DLC1: variants seen among roughly 807,000 people sequenced by gnomAD.
The protein encoded by DLC1 is DLC1 Rho GTPase activating protein, also known as rho GTPase-activating protein 7.
A neutral mutation model predicts 140.3 loss-of-function variants in DLC1; 54 were observed. That is an observed-to-expected ratio of 0.38 (90% CI 0.31 to 0.48). DLC1 has a LOEUF of 0.48. Among genes scored for constraint, DLC1 ranks in the 20% least tolerant of loss-of-function variants. DLC1 has a pLI of 0.96. For missense variants in DLC1, 2,536 were observed against 1,907.0 expected (o/e 1.33, Z -6.14); for synonymous variants, 986 against 728.1 (o/e 1.35, Z -5.70).
At chr8:13,593,929 A>C (rs908326099) in intron 1 of DLC1, among the ~76,000 whole-genome samples, 2 of 152,104 alleles carry the variant, frequency 1.3e-5, no homozygotes, top group African/African-American at 4.8e-5. Flanking sequence ...AAGAAAATGG[A>C]AAGAAACTGC....
chr8:13,410,073 T>C (rs1238571094), intron 2 of DLC1, among the ~76,000 whole-genome samples: 2 of 152,098 alleles, frequency 1.3e-5, no homozygotes, highest in African/African-American at 4.8e-5. Context: ...TAATCTCCTA[T>C]ATTAACAGAT....
chr8:13,384,898 G>C (rs1836446237), intron 4 of DLC1, among the ~76,000 whole-genome samples: 1 of 151,318 alleles, frequency 6.6e-6, no homozygotes. Context: ...AAATGAAACA[G>C]GCTTATCCTA....
At chr8:13,333,369 C>G (rs1671367) in intron 4 of DLC1, among the ~76,000 whole-genome samples, 130,082 of 152,004 alleles carry the variant, frequency 0.86, 56,087 homozygotes, top group East Asian at 0.95. Context: ...GAGACTACAC[C>G]TGAGCACCAC....
chr8:13,483,945 G>C, intron 2 of DLC1, among the ~76,000 whole-genome samples: 1 of 148,092 alleles, frequency 6.8e-6, no homozygotes, highest in Non-Finnish European at 1.5e-5. Flanking sequence ...AGCCAGGTGT[G>C]GTAGCATCGC....
intron 5 of DLC1, among the ~76,000 whole-genome samples, chr8:13,251,177 T>C (rs1284883032): frequency 1.3e-5 from 2 of 152,204 alleles, no homozygotes; most frequent in South Asian, 2.1e-4. Flanking sequence ...ACTATTCTTA[T>C]TGGCTTAGGG....
At chr8:13,349,055 A>G (rs1406537714) in intron 4 of DLC1, among the ~76,000 whole-genome samples, 1 of 152,094 alleles carries the variant, frequency 6.6e-6, no homozygotes, top group Non-Finnish European at 1.5e-5. Flanking sequence ...CCCAGGCTGC[A>G]CAGTCGATTT....
At chr8:13,566,173 C>G (rs1210118967) in intron 1 of DLC1, among the ~76,000 whole-genome samples, 1 of 152,006 alleles carries the variant, frequency 6.6e-6, no homozygotes, top group Non-Finnish European at 1.5e-5. Context: ...AAAAAAAATG[C>G]TGGAAAGAGT....
At chr8:13,114,738 C>A (rs576257658) in intron 6 of DLC1, among the ~76,000 whole-genome samples, 1 of 151,952 alleles carries the variant, frequency 6.6e-6, no homozygotes, top group Non-Finnish European at 1.5e-5. Context: ...CAAATGTGGC[C>A]GAGTGACATG....
intron 4 of DLC1, among the ~76,000 whole-genome samples, chr8:13,315,039 A>C (rs1268855139): frequency 6.6e-6 from 1 of 152,176 alleles, no homozygotes. Context: ...GAAACTCATC[A>C]CTTCAGGCCT....
intron 5 of DLC1, among the ~76,000 whole-genome samples, chr8:13,283,371 G>T (rs764815288): frequency 6.6e-6 from 1 of 151,808 alleles, no homozygotes; most frequent in Non-Finnish European, 1.5e-5. Flanking sequence ...ACGATACATT[G>T]TGAAGTACTG....
chr8:13,193,083 C>T (rs186524849), intron 5 of DLC1, among the ~76,000 whole-genome samples: 2 of 152,290 alleles, frequency 1.3e-5, no homozygotes, highest in Admixed American at 1.3e-4. Flanking sequence ...CCTATCCAAT[C>T]CAACTCAGGA....
intron 1 of DLC1, among the ~76,000 whole-genome samples, chr8:13,538,751 G>C (rs1030720328): frequency 3.3e-4 from 50 of 152,128 alleles, no homozygotes; most frequent in African/African-American, 1.1e-3. Context: ...GTAATAAGTG[G>C]TAGAAGCAGA....
At chr8:13,171,156 C>A (rs1312852472) in intron 5 of DLC1, among the ~76,000 whole-genome samples, 1 of 152,108 alleles carries the variant, frequency 6.6e-6, no homozygotes, top group East Asian at 1.9e-4. Context: ...CCTCTAGTTG[C>A]AATTAGAGAT....
intron 4 of DLC1, among the ~76,000 whole-genome samples, chr8:13,390,728 C>T (rs1305570889): frequency 2.0e-5 from 3 of 152,182 alleles, no homozygotes; most frequent in African/African-American, 4.8e-5. Context: ...TGGCTCACGC[C>T]TGTAATCCCA....
intron 1 of DLC1, among the ~76,000 whole-genome samples, chr8:13,539,190 T>C (rs1803401654): frequency 6.6e-6 from 1 of 151,924 alleles, no homozygotes; most frequent in African/African-American, 2.4e-5. Context: ...TATGTGTGTA[T>C]GTATGTATGT....
intron 4 of DLC1, among the ~76,000 whole-genome samples, chr8:13,383,653 C>A (rs532470003): frequency 6.6e-6 from 1 of 152,228 alleles, no homozygotes; most frequent in African/African-American, 2.4e-5. Context: ...GGCTAGTCTG[C>A]GTGATCAGTA....
intron 1 of DLC1, among the ~76,000 whole-genome samples, chr8:13,556,900 T>C (rs568429056): frequency 6.6e-5 from 10 of 152,330 alleles, no homozygotes; most frequent in African/African-American, 9.6e-5. Flanking sequence ...GCAAGACACA[T>C]AGCTTAGTGG....
chr8:13,263,863 A>G (rs757600335), intron 5 of DLC1, among the ~76,000 whole-genome samples: 1 of 151,726 alleles, frequency 6.6e-6, no homozygotes, highest in Non-Finnish European at 1.5e-5. Flanking sequence ...ATGAAATTCC[A>G]TCTTTAGATG....
intron 1 of DLC1, among the ~76,000 whole-genome samples, chr8:13,596,492 A>G (rs1805684325): frequency 6.6e-6 from 1 of 151,954 alleles, no homozygotes; most frequent in South Asian, 2.1e-4. Flanking sequence ...GCCTTTCTTA[A>G]AGGTAACTGA....
Sources: allele counts gnomAD v4.1 joint callset (sites outside exome capture counted in the v4.1 genomes callset), GRCh38; gene constraint gnomAD v4.1.1; transcripts MANE v1.5; gene names NCBI Gene and HGNC (gene_info 2026-07-23, HGNC 2026-07-21).